TRPC3: variants seen among roughly 807,000 people sequenced by gnomAD.
TRPC3 encodes transient receptor potential cation channel subfamily C member 3.
TRPC3 carries 54 observed loss-of-function variants against 90.9 expected under a neutral mutation model. That is an observed-to-expected ratio of 0.59 (90% CI 0.48 to 0.75). The LOEUF (loss-of-function observed/expected upper bound fraction) is 0.75, where lower values mean the gene tolerates loss of function less well. Ranked by LOEUF, TRPC3 falls within the 30% of genes least tolerant of loss-of-function variation. The pLI, the probability that TRPC3 is intolerant of heterozygous loss-of-function variation, is 0.00. For synonymous variants in TRPC3, 424 were observed against 450.9 expected (o/e 0.94, Z 0.75); for missense variants, 918 against 1,194.5 (o/e 0.77, Z 3.41).
intron 10 of TRPC3, among the ~76,000 whole-genome samples, chr4:121,882,659 G>T (rs889198550): frequency 1.9e-4 from 29 of 152,192 alleles, no homozygotes; most frequent in Middle Eastern, 3.4e-3. Flanking sequence ...AGAAACGGAA[G>T]AAGCTTTTAA....
At position 121,879,244 on chromosome 4, in the gene TRPC3, A is replaced by C. The variant is rs1465931137; in HGVS notation, c.*492T>G. The C allele has an allele frequency of 3.3e-5, 5 of 152,042 alleles. No individual in the cohort carries two copies. The highest frequency in any genetic ancestry group is 4.8e-5 in the African/African-American group (2 of 41,402). The allele number at this position is 152,042 out of a possible 1,614,324, so 9.4% of individuals were successfully genotyped here. A position where few individuals can be genotyped will look rare whatever the true frequency, so the allele number is the denominator to read the frequency against. On this transcript the variant is annotated 3_prime_UTR_variant, in exon 12 of 12. Coordinates refer to ENST00000379645, the MANE Select transcript of TRPC3 (RefSeq NM_001130698.2). The stretch of plus-strand genomic sequence containing the variant: ...TTCAGTTTCTATTAAAAAAAAAAAA[A>C]AAAAACCTCTTCAGAACTTGGACAA...
intron 10 of TRPC3, among the ~76,000 whole-genome samples, chr4:121,886,508 G>A (rs1728123805): frequency 6.6e-6 from 1 of 152,146 alleles, no homozygotes; most frequent in Admixed American, 6.5e-5. Flanking sequence ...ATAAACTTCT[G>A]TGATTGAGGG....
chr4:121,946,654 T>C (rs1272117523), intron 1 of TRPC3, among the ~76,000 whole-genome samples: 1 of 152,012 alleles, frequency 6.6e-6, no homozygotes, highest in Admixed American at 6.6e-5. Flanking sequence ...AAAATATGAA[T>C]AAAAAGATAG....
In TRPC3 at chr4:121,877,234, A is replaced by G. The variant is rs374489762; in HGVS notation, c.*2502T>C. 4.0e-4 allele frequency among the ~76,000 whole-genome samples: 61 copies of G among 152,338 alleles called. 1 individual carries two copies. Among genetic ancestry groups the G allele is most frequent in the South Asian group, 2.9e-3 (14 of 4,828 alleles). Reference sequence around the variant, plus strand: ...GTGAGTTCCCTAAAAGCAAAACCTAATAAGATTTGGATGTGGTGACTCATT... The same window carrying G: ...GTGAGTTCCCTAAAAGCAAAACCTAGTAAGATTTGGATGTGGTGACTCATT... On this transcript the variant is annotated 3_prime_UTR_variant, in exon 12 of 12. Coordinates refer to ENST00000379645, the MANE Select transcript of TRPC3 (RefSeq NM_001130698.2).
rs80299262 is a variant in TRPC3, at chr4:121,903,623, C to T, written c.2254-562G>A. On this transcript the variant is annotated intron_variant, in intron 8 of 11. Transcript: ENST00000379645. ...CTCCTTCCATTCTCTGTGCTGCCCA[C>T]GGTGATGGAGATAACCACCCTAACT... is the stretch of plus-strand genomic sequence containing the variant. 6.7e-3 allele frequency among the ~76,000 whole-genome samples: 1,016 copies of T among 152,188 alleles called. 15 individuals carry two copies. Among genetic ancestry groups the T allele is most frequent in the African/African-American group, 0.023 (971 of 41,520 alleles).
intron 1 of TRPC3, among the ~76,000 whole-genome samples, chr4:121,937,703 G>T (rs1343769588): frequency 6.6e-6 from 1 of 152,158 alleles, no homozygotes; most frequent in Non-Finnish European, 1.5e-5. Context: ...AAATCAAGAA[G>T]CCTCTCTCTT....
At chr4:121,881,255 G>A (rs1727932469) in intron 11 of TRPC3, among the ~76,000 whole-genome samples, 1 of 152,108 alleles carries the variant, frequency 6.6e-6, no homozygotes, top group Non-Finnish European at 1.5e-5. Context: ...GAGATTATAT[G>A]ACACATTTTC....
chr4:121,903,039 T>C lies in TRPC3; in HGVS notation c.2276A>G (p.Lys759Arg). ...EIEDDSDVEW[K>R]FARSKLWLSY... ...TAACCAAAGTTTTGAACGAGCAAACTTCCATTCTACATCACTGTCATCCTG... is the reference window on the plus strand; with the variant it reads ...TAACCAAAGTTTTGAACGAGCAAACCTCCATTCTACATCACTGTCATCCTG... The change falls in exon 9 of 12, where the codon AAG (lysine) becomes AGG (arginine). Residue 759 changes from lysine to arginine, a missense_variant. Physicochemically the swap from Lys to Arg is conservative, Grantham distance 26. Around this residue, in one of 4 missense-constraint regions of TRPC3, gnomAD observed 121 missense variants for 135.7 expected, o/e 0.89. Transcript: ENST00000379645. The C allele has an allele frequency of 6.2e-7, 1 of 1,612,844 alleles. No individual in the cohort carries two copies. Among genetic ancestry groups the C allele is most frequent in the Non-Finnish European group, 8.5e-7 (1 of 1,179,548 alleles).
At chr4:121,907,265 C>A (rs1429602516) in intron 7 of TRPC3, 38 bp downstream of exon 7, 1 of 1,533,794 alleles carries the variant, frequency 6.5e-7, no homozygotes, top group Non-Finnish European at 8.8e-7. Flanking sequence ...GTTAGAATTT[C>A]TCTTTATCAT....
chr4:121,882,314 T>C (rs1727971522), intron 11 of TRPC3, 40 bp downstream of exon 11: 1 of 1,555,114 alleles, frequency 6.4e-7, no homozygotes, highest in Non-Finnish European at 8.7e-7. Context: ...GTTCATTAAG[T>C]TAGCTATAAA....
chr4:121,885,402 G>A (rs1728079576), intron 10 of TRPC3, among the ~76,000 whole-genome samples: 1 of 152,074 alleles, frequency 6.6e-6, no homozygotes, highest in South Asian at 2.1e-4. Context: ...GTCTGGCTCT[G>A]GTTTTCTTTA....
Position 121,876,381 on chromosome 4 carries a change from T to C in TRPC3, c.*3355A>G, listed in dbSNP as rs1446992536. Among the ~76,000 whole-genome samples, 1 of 152,168 alleles carries C rather than the reference T, an allele frequency of 6.6e-6. No homozygotes were observed. The highest frequency in any genetic ancestry group is 2.4e-5 in the African/African-American group (1 of 41,446). On this transcript the variant is annotated 3_prime_UTR_variant, in exon 12 of 12. Transcript: ENST00000379645. ...ACATTAACCTCCTAAAACACCTCTATGAGCTCCAGGGACTAGGAACCCCTG... is the reference window on the plus strand; with the variant it reads ...ACATTAACCTCCTAAAACACCTCTACGAGCTCCAGGGACTAGGAACCCCTG...
At chr4:121,930,613 C>A (rs949567306) in intron 2 of TRPC3, among the ~76,000 whole-genome samples, 1 of 151,954 alleles carries the variant, frequency 6.6e-6, no homozygotes, top group African/African-American at 2.4e-5. Flanking sequence ...GAAAATATTC[C>A]CTTTTATAGA....
Position 121,932,907 on chromosome 4 carries a change from G to A in TRPC3, c.351C>T (p.Leu117=), listed in dbSNP as rs1730001147. 2 of 1,614,092 alleles carry A rather than the reference G, an allele frequency of 1.2e-6. No homozygotes were observed. The highest frequency in any genetic ancestry group is 1.1e-5 in the South Asian group (1 of 91,070). Residue 117 remains leucine (L), a synonymous_variant, in exon 2 of 12, where the codon CTC becomes CTT. Coordinates refer to ENST00000379645, the MANE Select transcript of TRPC3 (RefSeq NM_001130698.2). The surrounding 1 kb of genome is among the most constrained non-coding windows in gnomAD (Gnocchi z 7.7). ...TSLTAEEERF[L]DAAEYGNIPV... ...GGATGTTGCCGTACTCGGCGGCGTCGAGGAAGCGCTCCTCCTCGGCGGTGA... is the reference window on the plus strand; with the variant it reads ...GGATGTTGCCGTACTCGGCGGCGTCAAGGAAGCGCTCCTCCTCGGCGGTGA...
intron 9 of TRPC3, among the ~76,000 whole-genome samples, chr4:121,901,352 G>A (rs1728691629): frequency 6.6e-6 from 1 of 152,174 alleles, no homozygotes; most frequent in African/African-American, 2.4e-5. Flanking sequence ...TCGCTGAGAG[G>A]AAGTGGGCCA....
chr4:121,948,384 A>C (rs1730566425), intron 1 of TRPC3, among the ~76,000 whole-genome samples: 2 of 149,798 alleles, frequency 1.3e-5, no homozygotes, highest in African/African-American at 2.5e-5. Context: ...TTTTCCCTCA[A>C]TTTCTCCCCT....
At chr4:121,893,199 T>C (rs2149110619) in intron 10 of TRPC3, among the ~76,000 whole-genome samples, 2 of 151,644 alleles carry the variant, frequency 1.3e-5, no homozygotes, top group Middle Eastern at 6.8e-3. Flanking sequence ...AGGATGTGTA[T>C]GTGTGTGTGC....
chr4:121,936,466 C>A (rs1730132110), intron 1 of TRPC3, among the ~76,000 whole-genome samples: 1 of 152,238 alleles, frequency 6.6e-6, no homozygotes, highest in Non-Finnish European at 1.5e-5. Flanking sequence ...TGGAGTACCA[C>A]TGACCCGCAG....
Position 121,879,519 on chromosome 4 carries a change from CAA to C in TRPC3, c.*215_*216del. On this transcript the variant is annotated 3_prime_UTR_variant, in exon 12 of 12. Coordinates refer to ENST00000379645, the MANE Select transcript of TRPC3 (RefSeq NM_001130698.2). ...AATAATATAGTAATATTGGGCTTTT[CAA>C]CACAATGGTATGCCACTGTAATGTC... 1 of 498,798 alleles carries C rather than the reference CAA, an allele frequency of 2.0e-6. No individual in the cohort carries two copies. Among genetic ancestry groups the C allele is most frequent in the Non-Finnish European group, 3.4e-6 (1 of 294,138 alleles). The allele number at this position is 498,798 out of a possible 1,614,324, so 30.9% of individuals were successfully genotyped here.
Sources: allele counts gnomAD v4.1 joint callset (sites outside exome capture counted in the v4.1 genomes callset), GRCh38; gene constraint gnomAD v4.1.1; regional missense constraint gnomAD v4.1.1; non-coding constraint Gnocchi (gnomAD v3.1); transcripts MANE v1.5; gene names NCBI Gene and HGNC (gene_info 2026-07-23, HGNC 2026-07-21).